The following ANKFY1 variants were observed in gnomAD, a reference collection of about 807,000 sequenced individuals.
ANKFY1 encodes ankyrin repeat and FYVE domain containing 1, also known as ankyrin repeat and FYVE domain-containing protein 1.
Under a neutral mutation model 128.3 loss-of-function variants are expected in ANKFY1, and 47 were observed. The observed-to-expected ratio is 0.37, with a 90% CI of 0.29 to 0.47. The LOEUF is 0.47. Ranked by LOEUF, ANKFY1 falls within the 20% of genes least tolerant of loss-of-function variation. The pLI is 1.00. For missense variants in ANKFY1, 1,222 were observed against 1,510.6 expected (o/e 0.81, Z 3.17); for synonymous variants, 553 against 601.6 (o/e 0.92, Z 1.18).
intron 4 of ANKFY1, among the ~76,000 whole-genome samples, chr17:4,210,699 ACT>A (rs1467857131): frequency 1.4e-5 from 1 of 70,454 alleles, no homozygotes; most frequent in Non-Finnish European, 2.7e-5. Context: ...CAAAGGCAAA[ACT>A]CTGTCGCAAA....
In ANKFY1 at chr17:4,187,011, C is replaced by A. The variant is rs566338534; in HGVS notation, c.1471-1965G>T. On this transcript the variant is annotated intron_variant, in intron 11 of 24. Coordinates refer to ENST00000341657, the MANE Select transcript of ANKFY1 (RefSeq NM_001330063.2). ...TCGCCGCAACTGTTTTTTTTAAATT[C>A]GTATTTCAGTGTCTTTGGGGTACAG... 2.1e-5 allele frequency: 26 copies of A among 1,222,726 alleles called. No homozygotes were observed. In the African/African-American group the frequency reaches 3.9e-4, roughly 18 times the overall value. 75.7% of individuals were successfully genotyped at this position (1,222,726 alleles called of 1,614,324 possible). A position where few individuals can be genotyped will look rare whatever the true frequency, so the allele number is the denominator to read the frequency against.
At chr17:4,258,622 G>A (rs189913809) in intron 1 of ANKFY1, among the ~76,000 whole-genome samples, 3 of 152,132 alleles carry the variant, frequency 2.0e-5, no homozygotes, top group African/African-American at 7.2e-5. Context: ...ACTATCCAAA[G>A]CACTTCTGGC....
Position 4,181,516 on chromosome 17 carries a change from ATCAC to A in ANKFY1, c.2122-148_2122-145del. 3.1e-6 allele frequency: 2 copies of A among 644,184 alleles called. No individual in the cohort carries two copies. The highest frequency in any genetic ancestry group is 5.5e-6 in the Non-Finnish European group (2 of 366,824). The allele number at this position is 644,184 out of a possible 1,614,324, so 39.9% of individuals were successfully genotyped here. ...TAAATTGATAATTACTTTAATCTGT[ATCAC>A]TCATTATTTTACAAACACTAATTAA... On this transcript the variant is annotated intron_variant, in intron 15 of 24. Transcript: ENST00000341657. This position sits in a 1 kb window ranked among gnomAD's most constrained non-coding sequence, Gnocchi z 4.9.
In ANKFY1 at chr17:4,167,848, A is replaced by C. The variant is rs758836424; in HGVS notation, c.3441T>G (p.Phe1147Leu). ...CSTKEIPIIK[F>L]DLNKPVRVCN... ...AAACCCGCACAGGCTTGTTCAGATC[A>C]AACTTTATAATAGGAATCTCCTTGG... The change falls in exon 25 of 25, where the codon TTT (phenylalanine) becomes TTG (leucine). Residue 1147 changes from phenylalanine to leucine, a missense_variant. Physicochemically the swap from Phe to Leu is conservative, Grantham distance 22. Coordinates refer to ENST00000341657, the MANE Select transcript of ANKFY1 (RefSeq NM_001330063.2). This position sits in a 1 kb window ranked among gnomAD's most constrained non-coding sequence, Gnocchi z 4.1. The C allele has an allele frequency of 6.2e-7, 1 of 1,614,134 alleles. No individual in the cohort carries two copies. The highest frequency in any genetic ancestry group is 8.5e-7 in the Non-Finnish European group (1 of 1,180,002).
intron 1 of ANKFY1, among the ~76,000 whole-genome samples, chr17:4,248,649 T>C (rs1386211838): frequency 5.9e-5 from 9 of 152,156 alleles, no homozygotes; most frequent in Admixed American, 1.3e-4. Context: ...CTTCCAACTT[T>C]CATTTGAAAA....
At chr17:4,203,763 C>T (rs1057087815) in intron 7 of ANKFY1, among the ~76,000 whole-genome samples, 8 of 142,730 alleles carry the variant, frequency 5.6e-5, no homozygotes, top group South Asian at 2.2e-4. Flanking sequence ...TGCAGTGAGC[C>T]GAGACCGAGC....
At chr17:4,197,827 CTGTT>C (rs1284382326) in intron 7 of ANKFY1, among the ~76,000 whole-genome samples, 1 of 152,182 alleles carries the variant, frequency 6.6e-6, no homozygotes, top group Admixed American at 6.5e-5. Flanking sequence ...TATCCTTTCA[CTGTT>C]TAAGAATACT....
chr17:4,224,468 A>T (rs2060387783), intron 3 of ANKFY1, among the ~76,000 whole-genome samples: 1 of 151,588 alleles, frequency 6.6e-6, no homozygotes, highest in Non-Finnish European at 1.5e-5. Flanking sequence ...ATTTTTTATC[A>T]CTACTCTTGG....
intron 1 of ANKFY1, among the ~76,000 whole-genome samples, chr17:4,250,549 G>A (rs1418785042): frequency 1.3e-5 from 2 of 152,178 alleles, no homozygotes; most frequent in Non-Finnish European, 2.9e-5. Context: ...CTCATGGATT[G>A]GAAGGCTCAA....
intron 11 of ANKFY1, among the ~76,000 whole-genome samples, chr17:4,185,455 G>A (rs562130212): frequency 3.3e-5 from 5 of 151,970 alleles, no homozygotes; most frequent in South Asian, 4.2e-4. Context: ...CACCCAACTC[G>A]GACTCCCAAA....
intron 3 of ANKFY1, among the ~76,000 whole-genome samples, chr17:4,225,407 T>C (rs2060408959): frequency 1.3e-5 from 2 of 152,238 alleles, no homozygotes; most frequent in South Asian, 4.2e-4. Flanking sequence ...GTAGACAGTA[T>C]CATTTTTATC....
chr17:4,179,520 C>T lies in ANKFY1; in HGVS notation c.2397+201G>A. On this transcript the variant is annotated intron_variant, in intron 17 of 24. Transcript: ENST00000341657. ...AGGAGGCAAAGAGAAAGAGCTGAAACAAATCTTCCTCCTGTTGTAGTAAGG... is the reference window on the plus strand; with the variant it reads ...AGGAGGCAAAGAGAAAGAGCTGAAATAAATCTTCCTCCTGTTGTAGTAAGG... The T allele has an allele frequency of 6.0e-6, 4 of 666,334 alleles. No homozygotes were observed. The South Asian group carries it at 8.7e-5, about 14-fold the overall frequency. 41.3% of individuals were successfully genotyped at this position (666,334 alleles called of 1,614,324 possible).
intron 17 of ANKFY1, chr17:4,179,390 G>A (rs2059468245): frequency 1.9e-6 from 1 of 517,652 alleles, no homozygotes; most frequent in Non-Finnish European, 3.5e-6. Context: ...AAGCATCAAA[G>A]GGCGTAACTC....
chr17:4,204,788 G>C (rs2059992095), intron 7 of ANKFY1, among the ~76,000 whole-genome samples: 1 of 151,918 alleles, frequency 6.6e-6, no homozygotes, highest in African/African-American at 2.4e-5. Flanking sequence ...TTCCCTACGT[G>C]GTGGAGATTT....
rs768127597 is a variant in ANKFY1 at position 4,181,264 on chromosome 17, GA to G, written c.2229del (p.Ile745PhefsTer7). ...IDENNEPTAC[F>X]LIRSGCDVNS... ...TGGGGACTCTCAGACCTGCGAATAA[GA>G]AAGCAGGCGGTGGGCTCGTTGTTTT... is the stretch of plus-strand genomic sequence containing the variant. On this transcript the variant is annotated frameshift_variant, in exon 16 of 25. Transcript: ENST00000341657. LOFTEE classifies it high-confidence loss of function. This position sits in a 1 kb window ranked among gnomAD's most constrained non-coding sequence, Gnocchi z 4.9. The G allele has an allele frequency of 1.2e-6, 2 of 1,613,688 alleles. No homozygotes were observed.
chr17:4,225,128 G>C (rs186656800), intron 3 of ANKFY1, among the ~76,000 whole-genome samples: 1 of 152,176 alleles, frequency 6.6e-6, no homozygotes, highest in East Asian at 1.9e-4. Flanking sequence ...GGCCGAGGCA[G>C]GCGGATCACT....
rs1456341715 is a variant in ANKFY1 at position 4,231,764 on chromosome 17, G to A, written c.322+4008C>T. On this transcript the variant is annotated intron_variant, in intron 3 of 24. Coordinates refer to ENST00000341657, the MANE Select transcript of ANKFY1 (RefSeq NM_001330063.2). ...GTTCAAGACCAGCCTGGGCAACATG[G>A]CAAAATCTCATGTCTATAAAAAATG... 4.6e-5 allele frequency among the ~76,000 whole-genome samples: 7 copies of A among 151,598 alleles called. No individual in the cohort carries two copies. The South Asian group carries it at 8.4e-4, about 18-fold the overall frequency.
chr17:4,194,103 A>ATATATATATATATTT (rs1555627694), intron 10 of ANKFY1, among the ~76,000 whole-genome samples: 2 of 108,162 alleles, frequency 1.8e-5, no homozygotes, highest in African/African-American at 9.8e-5. Flanking sequence ...ATATATATAT[A>ATATATATATATATTT]TTTTTTTTTT....
intron 19 of ANKFY1, among the ~76,000 whole-genome samples, chr17:4,176,543 C>T (rs1469988474): frequency 4.6e-5 from 7 of 152,246 alleles, no homozygotes; most frequent in Non-Finnish European, 8.8e-5. Flanking sequence ...AACCACAGCT[C>T]TTTCAACTCT....
Sources: gnomAD v4.1 joint callset for allele counts (sites outside exome capture counted in the v4.1 genomes callset) on GRCh38, gnomAD v4.1.1 for gene constraint, Gnocchi (gnomAD v3.1) non-coding constraint, MANE v1.5 for transcripts, NCBI Gene and HGNC (gene_info 2026-07-23, HGNC 2026-07-21) for gene names.